ST3GAL2: variants seen among roughly 807,000 people sequenced by gnomAD.
The protein encoded by ST3GAL2 is CMP-N-acetylneuraminate-beta-galactosamide-alpha-2,3-sialyltransferase 2.
A neutral mutation model predicts 37.5 loss-of-function variants in ST3GAL2; 16 were observed. The observed-to-expected ratio is 0.43, with a 90% CI of 0.29 to 0.65. The LOEUF (loss-of-function observed/expected upper bound fraction) is 0.65. ST3GAL2 is among the 30% of genes least tolerant of loss of function. ST3GAL2 has a pLI of 0.17. For synonymous variants in ST3GAL2, 238 were observed against 202.9 expected, an observed-to-expected ratio of 1.17 and a Z score of -1.47; for missense variants, 383 against 487.8, an observed-to-expected ratio of 0.79 and a Z score of 2.02.
intron 1 of ST3GAL2, among the ~76,000 whole-genome samples, chr16:70,426,898 A>G (rs183416419): frequency 5.3e-5 from 8 of 152,198 alleles, no homozygotes; most frequent in Non-Finnish European, 1.2e-4. Context: ...CTCAGGCTGG[A>G]GTGCAGTGGC....
chr16:70,412,270 G>A (rs1416022058), intron 1 of ST3GAL2, among the ~76,000 whole-genome samples: 1 of 152,152 alleles, frequency 6.6e-6, no homozygotes, highest in Non-Finnish European at 1.5e-5. Flanking sequence ...GTTGTTTTCT[G>A]GCATCCAATG....
chr16:70,407,906 A>G (rs1419818411), intron 1 of ST3GAL2, among the ~76,000 whole-genome samples: 3 of 152,152 alleles, frequency 2.0e-5, no homozygotes, highest in Non-Finnish European at 4.4e-5. Context: ...CCTTCTTGGC[A>G]TGCAGAGAAA....
intron 1 of ST3GAL2, among the ~76,000 whole-genome samples, chr16:70,423,982 C>T (rs966248932): frequency 3.3e-5 from 5 of 151,366 alleles, no homozygotes; most frequent in Non-Finnish European, 7.4e-5. Flanking sequence ...GGCATGAACT[C>T]GGGAGGCAGA....
chr16:70,438,421 G>A (rs1257516025), intron 1 of ST3GAL2, among the ~76,000 whole-genome samples: 3 of 152,196 alleles, frequency 2.0e-5, no homozygotes, highest in Non-Finnish European at 1.5e-5. Context: ...CCCAAAGTAG[G>A]AAGGTCGAGC....
intron 4 of ST3GAL2, among the ~76,000 whole-genome samples, chr16:70,383,926 A>G (rs1465204849): frequency 1.3e-5 from 2 of 151,432 alleles, no homozygotes; most frequent in African/African-American, 4.9e-5. Flanking sequence ...TCTCTGCTCC[A>G]TTAGAGGTGG....
intron 1 of ST3GAL2, among the ~76,000 whole-genome samples, chr16:70,416,675 TG>T (rs1421409496): frequency 6.6e-6 from 1 of 152,168 alleles, no homozygotes; most frequent in African/African-American, 2.4e-5. Flanking sequence ...AATTATATTC[TG>T]CCCCCACTTT....
At chr16:70,438,361 C>G (rs908572821) in intron 1 of ST3GAL2, among the ~76,000 whole-genome samples, 1 of 152,168 alleles carries the variant, frequency 6.6e-6, no homozygotes, top group Non-Finnish European at 1.5e-5. Context: ...CCAGCCTCCA[C>G]GGGACTGGCG....
At chr16:70,425,926 G>A (rs1398562400) in intron 1 of ST3GAL2, among the ~76,000 whole-genome samples, 2 of 152,164 alleles carry the variant, frequency 1.3e-5, no homozygotes, top group African/African-American at 2.4e-5. Flanking sequence ...CTGCCCAGAC[G>A]TGCGGATGGT....
chr16:70,383,637 G>GGGAAAGGAGAAGGGAAAGGAGAAA (rs1567664773), intron 4 of ST3GAL2, among the ~76,000 whole-genome samples: 1 of 148,370 alleles, frequency 6.7e-6, no homozygotes, highest in African/African-American at 2.6e-5. Context: ...AGGAAAAGAA[G>GGGAAAGGAGAAGGGAAAGGAGAAA]GGAAAGGAGA....
At chr16:70,390,686 G>A (rs1443874248) in intron 3 of ST3GAL2, among the ~76,000 whole-genome samples, 8 of 152,180 alleles carry the variant, frequency 5.3e-5, no homozygotes, top group African/African-American at 1.9e-4. Context: ...TCTGGACAGA[G>A]GGGACATTGC....
rs1597563397 is a variant in ST3GAL2, at chr16:70,399,695, A to G, written c.-1003-162T>C. The G allele has an allele frequency of 1.4e-5, 5 of 363,104 alleles. No individual in the cohort carries two copies. The East Asian group carries it at 2.0e-4, about 15-fold the overall frequency. The allele number at this position is 363,104 out of a possible 1,614,324, so 22.5% of individuals were successfully genotyped here. A position where few individuals can be genotyped will look rare whatever the true frequency, so the allele number is the denominator to read the frequency against. The stretch of plus-strand genomic sequence containing the variant: ...TCTGCCCTCTAGCTGCACAGATAGC[A>G]TCACTGTGTGGGACTCCAGGGCCTG... On this transcript the variant is annotated intron_variant, in intron 1 of 6. Coordinates refer to ENST00000342907, the MANE Select transcript of ST3GAL2 (RefSeq NM_006927.4).
intron 1 of ST3GAL2, among the ~76,000 whole-genome samples, chr16:70,426,262 C>T (rs1167226846): frequency 7.3e-6 from 1 of 136,428 alleles, no homozygotes; most frequent in Non-Finnish European, 1.5e-5. Context: ...GGCGCGATCT[C>T]GGCTCACTGC....
chr16:70,416,936 G>C (rs533139197), intron 1 of ST3GAL2, among the ~76,000 whole-genome samples: 1 of 152,290 alleles, frequency 6.6e-6, no homozygotes, highest in East Asian at 1.9e-4. Context: ...CCTAAGCACC[G>C]CAAGCTGCAG....
rs193101760 is a variant in ST3GAL2, at chr16:70,415,002, T to C, written c.-1003-15469A>G. Among the ~76,000 whole-genome samples the C allele has an allele frequency of 2.2e-4, 33 of 152,122 alleles. 1 individual carries two copies. Among genetic ancestry groups the C allele is most frequent in the South Asian group, 8.3e-4 (4 of 4,822 alleles). Reference sequence around the variant, plus strand: ...CATTCTCCTGCGTCAGCCTCCCGAGTATCTGGGACTACAGGCGTCCGCCAC... The same window carrying C: ...CATTCTCCTGCGTCAGCCTCCCGAGCATCTGGGACTACAGGCGTCCGCCAC... On this transcript the variant is annotated intron_variant, in intron 1 of 6. Transcript: ENST00000342907.
intron 4 of ST3GAL2, among the ~76,000 whole-genome samples, chr16:70,384,889 G>A (rs1352667762): frequency 1.2e-4 from 19 of 152,066 alleles, no homozygotes; most frequent in Admixed American, 7.9e-4. Flanking sequence ...CATGCCTGTA[G>A]TCCCAGCTAC....
At chr16:70,415,486 A>G (rs1190316789) in intron 1 of ST3GAL2, among the ~76,000 whole-genome samples, 3 of 152,140 alleles carry the variant, frequency 2.0e-5, no homozygotes, top group African/African-American at 7.2e-5. Flanking sequence ...TCAGGAGAAG[A>G]TATTCGTAAA....
rs2047505667 is a variant in ST3GAL2, at chr16:70,394,992, A to G, written c.523T>C (p.Phe175Leu). Residue 175 changes from phenylalanine to leucine, a missense_variant, in exon 3 of 7, where the codon TTC (phenylalanine) becomes CTC (leucine). Around this residue, in one of 2 missense-constraint regions of ST3GAL2, gnomAD observed 160 missense variants for 248.6 expected, o/e 0.64. Transcript: ENST00000342907. The part of the protein sequence containing the change: ...GYGQDVDGHN[F>L]IMRMNQAPTV... ...TCCACAGGGGCTCACCTCATGATGA[A>G]GTTGTGCCCGTCCACGTCCTGCCCA... The G allele has an allele frequency of 1.2e-6, 2 of 1,612,974 alleles. No homozygotes were observed. Among genetic ancestry groups the G allele is most frequent in the Middle Eastern group, 1.7e-4 (1 of 5,978 alleles).
At chr16:70,423,136 T>A (rs1030441601) in intron 1 of ST3GAL2, 1 of 152,296 alleles carries the variant, frequency 6.6e-6, no homozygotes, top group South Asian at 2.1e-4. Context: ...AATGTCTCCA[T>A]CTCAGACCTT....
chr16:70,383,427 A>C (rs1005517148), intron 4 of ST3GAL2, among the ~76,000 whole-genome samples, 192 bp from the exon 5 acceptor site: 1 of 151,664 alleles, frequency 6.6e-6, no homozygotes, highest in African/African-American at 2.4e-5. Context: ...CTACTAAAAA[A>C]ACAAAAATTA....
Sources: gnomAD v4.1 joint callset for allele counts (sites outside exome capture counted in the v4.1 genomes callset) on GRCh38, gnomAD v4.1.1 for gene constraint, gnomAD v4.1.1 regional missense constraint, MANE v1.5 for transcripts, NCBI Gene and HGNC (gene_info 2026-07-23, HGNC 2026-07-21) for gene names.